The following CAPRIN1 variants were observed in gnomAD, a reference collection of about 807,000 sequenced individuals.
CAPRIN1 encodes the protein caprin-1.
A neutral mutation model predicts 100.9 loss-of-function variants in CAPRIN1; 29 were observed. The ratio of observed to expected loss-of-function variants is 0.29; its 90% CI spans 0.21 to 0.39. CAPRIN1 has a LOEUF of 0.39. CAPRIN1 is among the 10% of genes least tolerant of loss of function. The pLI, the probability that CAPRIN1 is intolerant of heterozygous loss-of-function variation, is 1.00. For missense variants in CAPRIN1, 795 were observed against 876.7 expected (o/e 0.91, Z 1.18); for synonymous variants, 338 against 307.5 (o/e 1.10, Z -1.04).
chr11:34,084,579 G>A (rs1029295390), intron 9 of CAPRIN1, among the ~76,000 whole-genome samples: 1 of 152,112 alleles, frequency 6.6e-6, no homozygotes, highest in South Asian at 2.1e-4. Flanking sequence ...GTATCTGCGG[G>A]ACCCACATAT....
intron 2 of CAPRIN1, among the ~76,000 whole-genome samples, chr11:34,060,977 G>A (rs920748314): frequency 6.6e-5 from 10 of 152,134 alleles, no homozygotes; most frequent in Non-Finnish European, 1.3e-4. Context: ...GTTCAAAGTA[G>A]GTGATGCTGG....
At chr11:34,064,819 A>G (rs1163097408) in intron 2 of CAPRIN1, among the ~76,000 whole-genome samples, 1 of 152,130 alleles carries the variant, frequency 6.6e-6, no homozygotes, top group Non-Finnish European at 1.5e-5. Flanking sequence ...TGTTCTCTTT[A>G]TGAAATAGTT....
At chr11:34,096,390 A>G (rs1223105893) in intron 15 of CAPRIN1, 89 bp from the exon 16 acceptor site, 11 of 894,542 alleles carry the variant, frequency 1.2e-5, no homozygotes, top group East Asian at 1.0e-4. Flanking sequence ...AGGAGACTGT[A>G]TAAGACACTT....
intron 9 of CAPRIN1, among the ~76,000 whole-genome samples, chr11:34,084,975 A>G (rs1851109879): frequency 6.6e-6 from 1 of 151,886 alleles, no homozygotes; most frequent in Non-Finnish European, 1.5e-5. Context: ...TCTAAAGGCT[A>G]TCCACATGAG....
Position 34,079,735 on chromosome 11 carries a change from C to T in CAPRIN1, c.796C>T (p.Pro266Ser). The change falls in exon 7 of 19, where the codon CCT (proline) becomes TCT (serine). Residue 266 changes from proline (P) to serine (S), a missense_variant. Pro to Ser is a moderately conservative substitution (Grantham distance 74). This residue lies in a region of CAPRIN1 where 648 missense variants were observed against 697.9 expected (regional missense o/e 0.93). Coordinates refer to ENST00000341394, the MANE Select transcript of CAPRIN1 (RefSeq NM_005898.5). ...TGAGGAAGAAGAGGCAGCCTCAGCA[C>T]CTGCAGTTGAAGACCAGGTACCTGA... The part of the protein sequence containing the change: ...LCEEEEAASA[P>S]AVEDQVPEAE... The T allele has an allele frequency of 6.2e-7, 1 of 1,614,058 alleles. No homozygotes were observed. The highest frequency in any genetic ancestry group is 8.5e-7 in the Non-Finnish European group (1 of 1,179,992).
At chr11:34,055,028 G>GA (rs556758462) in intron 2 of CAPRIN1, among the ~76,000 whole-genome samples, 121 of 150,422 alleles carry the variant, frequency 8.0e-4, no homozygotes, top group South Asian at 5.9e-3. Context: ...AAGTACTTCT[G>GA]AAAAAAAAAT....
chr11:34,075,775 A>G (rs1322496889), intron 4 of CAPRIN1, among the ~76,000 whole-genome samples: 3 of 152,192 alleles, frequency 2.0e-5, no homozygotes, highest in Admixed American at 6.5e-5. Context: ...ATTTCTGTAT[A>G]ATTTCTAAAT....
intron 12 of CAPRIN1, 185 bp from the exon 13 acceptor site, chr11:34,089,994 A>G: frequency 2.7e-6 from 1 of 372,286 alleles, no homozygotes. Context: ...CTTCAAAAAT[A>G]TATATATTTT....
At chr11:34,070,944 C>T (rs568844000) in intron 2 of CAPRIN1, among the ~76,000 whole-genome samples, 2 of 152,214 alleles carry the variant, frequency 1.3e-5, no homozygotes, top group East Asian at 1.9e-4. Flanking sequence ...TCAGGTGATC[C>T]GCCCACCTTG....
chr11:34,071,209 C>T (rs1850798844), intron 2 of CAPRIN1, among the ~76,000 whole-genome samples: 1 of 152,134 alleles, frequency 6.6e-6, no homozygotes, highest in South Asian at 2.1e-4. Flanking sequence ...AATGTTGTGC[C>T]ATTGGTTTAC....
intron 15 of CAPRIN1, among the ~76,000 whole-genome samples, chr11:34,093,380 T>C (rs1379948255): frequency 6.6e-6 from 1 of 151,940 alleles, no homozygotes; most frequent in Non-Finnish European, 1.5e-5. Flanking sequence ...TCCTCCCACC[T>C]CTACCTTATA....
chr11:34,055,904 C>CTA (rs1369737778), intron 2 of CAPRIN1: 1 of 152,176 alleles, frequency 6.6e-6, no homozygotes, highest in Non-Finnish European at 1.5e-5. Context: ...GCTATTAAAA[C>CTA]TATATCTTTT....
At chr11:34,094,932 G>A (rs530624780) in intron 15 of CAPRIN1, among the ~76,000 whole-genome samples, 2 of 152,112 alleles carry the variant, frequency 1.3e-5, no homozygotes, top group African/African-American at 4.8e-5. Context: ...TCCCAGGCTG[G>A]AGTGCAGTGG....
rs112956980 is a variant in CAPRIN1, at chr11:34,090,149, A to G, written c.1294-30A>G. On this transcript the variant is annotated intron_variant, in intron 12 of 18. Transcript: ENST00000341394. ...TTAACAGTCAATTTTGTAAGCAGGA[A>G]GAAGCTTTTATTTCTTTACTTATGT... 1.2e-3 allele frequency: 1,768 copies of G among 1,426,552 alleles called. 24 individuals are homozygous for G. The African/African-American group carries it at 0.022, about 18-fold the overall frequency. The allele number at this position is 1,426,552 out of a possible 1,614,324, so 88.4% of individuals were successfully genotyped here.
intron 15 of CAPRIN1, 181 bp from the exon 16 acceptor site, chr11:34,096,298 C>CT: frequency 2.0e-6 from 1 of 509,460 alleles, no homozygotes; most frequent in East Asian, 3.4e-5. Flanking sequence ...ATAGCTGAGT[C>CT]TAAGGGTAGG....
intron 7 of CAPRIN1, among the ~76,000 whole-genome samples, chr11:34,080,203 G>T (rs958860603): frequency 6.6e-6 from 1 of 152,156 alleles, no homozygotes; most frequent in Admixed American, 6.5e-5. Context: ...GATTACAGGC[G>T]TGAGCCACTG....
rs768829715 is a variant in CAPRIN1, at chr11:34,086,376, A to G, written c.1194A>G (p.Thr398=). 62 of 1,613,734 alleles carry G rather than the reference A, an allele frequency of 3.8e-5. No individual in the cohort carries two copies. Among genetic ancestry groups the G allele is most frequent in the Admixed American group, 1.8e-4 (11 of 59,938 alleles). ...AIVSAQPMNP[T]QNMDMPQLVC... is the part of the protein sequence containing the mutation. ...TATCTGCACAGCCTATGAATCCAAC[A>G]CAAAACATGGACATGCCCCAGCTGG... The change falls in exon 11 of 19, where the codon ACA becomes ACG. Residue 398 remains threonine (T), a synonymous_variant. Coordinates refer to ENST00000341394, the MANE Select transcript of CAPRIN1 (RefSeq NM_005898.5).
chr11:34,055,475 C>T (rs1159502219), intron 2 of CAPRIN1, among the ~76,000 whole-genome samples: 3 of 152,154 alleles, frequency 2.0e-5, no homozygotes, highest in African/African-American at 7.2e-5. Flanking sequence ...TTACAGGCAC[C>T]TGCCACCACG....
intron 11 of CAPRIN1, among the ~76,000 whole-genome samples, chr11:34,088,103 A>G (rs1050023934): frequency 2.6e-5 from 4 of 152,118 alleles, no homozygotes; most frequent in African/African-American, 4.8e-5. Context: ...CCCGGGTTCA[A>G]GGGATTCTCC....
Sources: allele counts gnomAD v4.1 joint callset (sites outside exome capture counted in the v4.1 genomes callset), GRCh38; gene constraint gnomAD v4.1.1; regional missense constraint gnomAD v4.1.1; transcripts MANE v1.5; gene names NCBI Gene and HGNC (gene_info 2026-07-23, HGNC 2026-07-21).